NFIA: variants seen among roughly 807,000 people sequenced by gnomAD.
NFIA encodes nuclear factor I A, also known as nuclear factor 1 A-type.
In NFIA, 8 loss-of-function variants were observed where a neutral mutation model predicts 62.8. That is an observed-to-expected ratio of 0.13 (90% CI 0.07 to 0.23). The LOEUF is 0.23. Ranked by LOEUF, NFIA falls within the 10% of genes least tolerant of loss-of-function variation. NFIA has a pLI of 1.00. For missense variants in NFIA, 410 were observed against 642.1 expected (o/e 0.64, Z 3.91); for synonymous variants, 235 against 238.1 (o/e 0.99, Z 0.12).
intron 2 of NFIA, among the ~76,000 whole-genome samples, chr1:61,225,853 G>A (rs1347184663): frequency 6.6e-6 from 1 of 152,086 alleles, no homozygotes; most frequent in Non-Finnish European, 1.5e-5. Flanking sequence ...CACCAGCTCT[G>A]TAATCTTTTT....
rs530618116 is a variant in NFIA at position 61,417,886 on chromosome 1, G to A, written c.1421-8579G>A. On this transcript the variant is annotated intron_variant, in intron 9 of 10. Coordinates refer to ENST00000403491, the MANE Select transcript of NFIA (RefSeq NM_001134673.4). ...ACTGTTCCTGTGAAGAGAGTGACCTGTTGGATATCACAGAGGGGTAAAGCC... is the reference window on the plus strand; with the variant it reads ...ACTGTTCCTGTGAAGAGAGTGACCTATTGGATATCACAGAGGGGTAAAGCC... 2.6e-5 allele frequency among the ~76,000 whole-genome samples: 4 copies of A among 152,218 alleles called. No individual in the cohort carries two copies. In the South Asian group the frequency reaches 8.3e-4, roughly 32 times the overall value.
chr1:61,339,286 G>A (rs1463859117), intron 4 of NFIA, among the ~76,000 whole-genome samples: 1 of 152,142 alleles, frequency 6.6e-6, no homozygotes, highest in Non-Finnish European at 1.5e-5. Flanking sequence ...GTAGAGTGTG[G>A]AGCAGACAAA....
intron 2 of NFIA, among the ~76,000 whole-genome samples, chr1:61,229,133 G>GA (rs397863816): frequency 2.0e-4 from 28 of 138,782 alleles, no homozygotes; most frequent in South Asian, 6.8e-4. Flanking sequence ...CAGGGTAAAA[G>GA]AAAAAAAAAA....
intron 10 of NFIA, among the ~76,000 whole-genome samples, chr1:61,432,524 C>A (rs1216667193): frequency 6.6e-6 from 1 of 151,448 alleles, no homozygotes; most frequent in Non-Finnish European, 1.5e-5. Context: ...CACAGAAGTT[C>A]AAGGAGCAGC....
chr1:61,319,548 G>A (rs747066844), intron 3 of NFIA, among the ~76,000 whole-genome samples: 4 of 152,024 alleles, frequency 2.6e-5, no homozygotes, highest in Non-Finnish European at 4.4e-5. Flanking sequence ...GTCTGTTTGC[G>A]AGTGACAGAT....
At chr1:61,316,227 G>T (rs751730646) in intron 3 of NFIA, among the ~76,000 whole-genome samples, 13 of 152,158 alleles carry the variant, frequency 8.5e-5, no homozygotes, top group Non-Finnish European at 1.6e-4. Context: ...AGATACTTGG[G>T]TAAGGGTGAG....
At chr1:61,263,707 A>T (rs1227266594) in intron 2 of NFIA, among the ~76,000 whole-genome samples, 2 of 152,182 alleles carry the variant, frequency 1.3e-5, no homozygotes, top group African/African-American at 2.4e-5. Context: ...AAAAACAAAT[A>T]GCATTGGCTG....
At chr1:61,245,305 G>A (rs11207715) in intron 2 of NFIA, among the ~76,000 whole-genome samples, 12 of 152,036 alleles carry the variant, frequency 7.9e-5, no homozygotes, top group Non-Finnish European at 1.3e-4. Context: ...TTTAAACATC[G>A]TATACACAGG....
intron 2 of NFIA, among the ~76,000 whole-genome samples, chr1:61,131,497 G>A (rs184336708): frequency 5.3e-4 from 81 of 152,178 alleles, no homozygotes; most frequent in African/African-American, 1.7e-3. Context: ...GAAGAGTAGG[G>A]CCCCTAATGT....
At chr1:61,352,907 A>T (rs528710684) in intron 5 of NFIA, among the ~76,000 whole-genome samples, 61 of 152,284 alleles carry the variant, frequency 4.0e-4, no homozygotes, top group Non-Finnish European at 7.8e-4. Context: ...TTGGTGAGAT[A>T]GAAAGGAAAA....
At chr1:61,217,001 A>C (rs1244183261) in intron 2 of NFIA, among the ~76,000 whole-genome samples, 1 of 151,566 alleles carries the variant, frequency 6.6e-6, no homozygotes, top group East Asian at 2.0e-4. Flanking sequence ...CTTCATCTCT[A>C]AATTAATTAA....
chr1:61,341,931 G>A (rs767969711), intron 4 of NFIA, among the ~76,000 whole-genome samples: 1 of 152,052 alleles, frequency 6.6e-6, no homozygotes, highest in Non-Finnish European at 1.5e-5. Flanking sequence ...CCTGCAGTAG[G>A]GCCACAAATA....
intron 2 of NFIA, among the ~76,000 whole-genome samples, chr1:61,095,969 G>T (rs528003202): frequency 6.6e-6 from 1 of 151,852 alleles, no homozygotes; most frequent in African/African-American, 2.4e-5. Context: ...TACAGACAGA[G>T]AAATATATAT....
intron 7 of NFIA, among the ~76,000 whole-genome samples, chr1:61,403,527 G>T (rs909864356): frequency 6.6e-6 from 1 of 152,152 alleles, no homozygotes; most frequent in Non-Finnish European, 1.5e-5. Context: ...CTTTGAAATG[G>T]CATCTGAAGG....
At chr1:61,277,621 G>C in intron 3 of NFIA, 36 bp downstream of exon 3, 1 of 1,608,200 alleles carries the variant, frequency 6.2e-7, no homozygotes, top group Non-Finnish European at 8.5e-7. Context: ...GCTGCTTTCA[G>C]AGTCCACAGC....
chr1:61,406,748 G>A lies in NFIA; in HGVS notation c.1420+21G>A, dbSNP rs771308080. The A allele has an allele frequency of 1.9e-6, 3 of 1,584,256 alleles. No homozygotes were observed. The African/African-American group carries it at 4.0e-5, about 21-fold the overall frequency. On this transcript the variant is annotated intron_variant, in intron 9 of 10. Transcript: ENST00000403491. ...ACCAAGTAAGTATGGCTGCGACAAG[G>A]CGCCGGTCACTTCTAAAGCTGTATG...
chr1:61,138,486 C>T (rs977167482), intron 2 of NFIA, among the ~76,000 whole-genome samples: 1 of 152,138 alleles, frequency 6.6e-6, no homozygotes, highest in Non-Finnish European at 1.5e-5. Flanking sequence ...TAGAAAGAAT[C>T]TTTGTTGCCG....
At chr1:61,311,129 C>T (rs533704791) in intron 3 of NFIA, among the ~76,000 whole-genome samples, 84 of 152,294 alleles carry the variant, frequency 5.5e-4, no homozygotes, top group African/African-American at 1.9e-3. Flanking sequence ...CAGTGGCTCA[C>T]GCCTATAATC....
chr1:61,408,903 G>A (rs1665974069), intron 9 of NFIA, among the ~76,000 whole-genome samples: 1 of 152,198 alleles, frequency 6.6e-6, no homozygotes, highest in African/African-American at 2.4e-5. Flanking sequence ...AAGACTCCAG[G>A]CTTGGGTAAT....
Sources: gnomAD v4.1 joint callset for allele counts (sites outside exome capture counted in the v4.1 genomes callset) on GRCh38, gnomAD v4.1.1 for gene constraint, MANE v1.5 for transcripts, NCBI Gene and HGNC (gene_info 2026-07-23, HGNC 2026-07-21) for gene names.